Variants in SH3RF3 observed in about 807,000 individuals in gnomAD.
SH3RF3 encodes the protein SH3 domain containing ring finger 3, also known as E3 ubiquitin-protein ligase SH3RF3.
A neutral mutation model predicts 66.3 loss-of-function variants in SH3RF3; 29 were observed. The ratio of observed to expected loss-of-function variants is 0.44; its 90% CI spans 0.33 to 0.60. The LOEUF (loss-of-function observed/expected upper bound fraction) is 0.60. SH3RF3 is among the 20% of genes least tolerant of loss of function. The pLI, the probability that SH3RF3 is intolerant of heterozygous loss-of-function variation, is 0.04. For synonymous variants in SH3RF3, 583 were observed against 532.0 expected (o/e 1.10, Z -1.32); for missense variants, 1,194 against 1,190.9 (o/e 1.00, Z -0.04).
At chr2:109,185,934 G>A (rs1422877537) in intron 1 of SH3RF3, among the ~76,000 whole-genome samples, 1 of 152,230 alleles carries the variant, frequency 6.6e-6, no homozygotes, top group Non-Finnish European at 1.5e-5. Context: ...GGCTGGCCCT[G>A]TGCCCTGTGC....
chr2:109,466,373 C>G (rs1170844270), intron 8 of SH3RF3, among the ~76,000 whole-genome samples: 1 of 152,076 alleles, frequency 6.6e-6, no homozygotes, highest in African/African-American at 2.4e-5. Context: ...GAGTCCTGCG[C>G]CCAGCCTGTA....
chr2:109,163,860 A>G (rs1391215379), intron 1 of SH3RF3, among the ~76,000 whole-genome samples: 2 of 152,150 alleles, frequency 1.3e-5, no homozygotes, highest in African/African-American at 4.8e-5. Context: ...GTCTATTACC[A>G]ACTATTTGTG....
chr2:109,389,055 C>G (rs945763576), intron 3 of SH3RF3, among the ~76,000 whole-genome samples: 50 of 152,198 alleles, frequency 3.3e-4, no homozygotes, highest in Non-Finnish European at 5.3e-4. Context: ...ATCATAGGCC[C>G]AAGGCCACAC....
At chr2:109,483,345 C>T (rs1678883601) in intron 8 of SH3RF3, among the ~76,000 whole-genome samples, 1 of 152,230 alleles carries the variant, frequency 6.6e-6, no homozygotes, top group Non-Finnish European at 1.5e-5. Context: ...AGTGGTGCCT[C>T]TCACATGTCC....
chr2:109,494,358 C>T (rs1044159830), intron 9 of SH3RF3, among the ~76,000 whole-genome samples: 3 of 152,180 alleles, frequency 2.0e-5, no homozygotes, highest in Non-Finnish European at 2.9e-5. Flanking sequence ...AAAAAACAGC[C>T]TGAAACCAAA....
chr2:109,290,232 A>G (rs1681132824), intron 1 of SH3RF3, among the ~76,000 whole-genome samples: 1 of 152,172 alleles, frequency 6.6e-6, no homozygotes, highest in South Asian at 2.1e-4. Flanking sequence ...ACATCACATC[A>G]TTCCTTCTCT....
intron 1 of SH3RF3, among the ~76,000 whole-genome samples, chr2:109,195,192 T>C (rs77027204): frequency 0.01 from 1,224 of 120,614 alleles, 12 homozygotes; most frequent in East Asian, 0.053. Context: ...TCATTGGAGA[T>C]GGGGCTAGGA....
intron 1 of SH3RF3, among the ~76,000 whole-genome samples, chr2:109,170,286 TCTC>T (rs1558938253): frequency 5.6e-4 from 58 of 103,382 alleles, no homozygotes; most frequent in African/African-American, 1.7e-3. Flanking sequence ...TCTCTTCTCT[TCTC>T]TTCTCTTCTC....
chr2:109,437,291 AC>A, intron 7 of SH3RF3, 145 bp downstream of exon 7: 1 of 1,331,972 alleles, frequency 7.5e-7, no homozygotes, highest in Non-Finnish European at 1.0e-6. Context: ...CTTAAGGAAA[AC>A]CGGTTTGGCC....
chr2:109,419,121 G>C (rs1354206960), intron 4 of SH3RF3, among the ~76,000 whole-genome samples: 1 of 152,214 alleles, frequency 6.6e-6, no homozygotes, highest in East Asian at 1.9e-4. Context: ...ATTTTCTTTA[G>C]GGATTAATCT....
In SH3RF3 at chr2:109,398,895, G is replaced by A. The variant is rs770154489; in HGVS notation, c.1251G>A (p.Ala417=). ...TCAGCTCCAGCGATCCCCGAGCCGCGGCCAGGATTGGAGACCTTGCTCATC... is the reference window on the plus strand; with the variant it reads ...TCAGCTCCAGCGATCCCCGAGCCGCAGCCAGGATTGGAGACCTTGCTCATC... ...VLISSSDPRA[A]ARIGDLAHLS... Residue 417 remains alanine, a synonymous_variant, in exon 4 of 10, where the codon GCG becomes GCA. Transcript: ENST00000309415. The A allele has an allele frequency of 2.6e-5, 42 of 1,613,438 alleles. No individual in the cohort carries two copies. The South Asian group carries it at 2.6e-4, about 10-fold the overall frequency.
intron 1 of SH3RF3, among the ~76,000 whole-genome samples, chr2:109,134,419 A>G (rs981081154): frequency 1.3e-5 from 2 of 152,250 alleles, no homozygotes; most frequent in African/African-American, 4.8e-5. Context: ...AGTTACAGCA[A>G]AGTCCTGTTC....
chr2:109,164,767 C>T (rs567796162), intron 1 of SH3RF3, among the ~76,000 whole-genome samples: 33 of 152,310 alleles, frequency 2.2e-4, no homozygotes, highest in African/African-American at 7.2e-4. Context: ...ATTTAATAGT[C>T]AGCCCTGGCA....
At position 109,346,257 on chromosome 2, in the gene SH3RF3, T is replaced by A. The variant is rs1682694263; in HGVS notation, c.574-1417T>A. Among the ~76,000 whole-genome samples the A allele has an allele frequency of 2.0e-5, 3 of 152,224 alleles. No individual in the cohort carries two copies. The South Asian group carries it at 6.2e-4, about 32-fold the overall frequency. ...GTTTAATTGGTTAGTGGTGGCTGTT[T>A]GTCAATTTGCCAGCAGGCTCTCTCT... On this transcript the variant is annotated intron_variant, in intron 1 of 9. Transcript: ENST00000309415.
chr2:109,181,456 G>T (rs188052053), intron 1 of SH3RF3, among the ~76,000 whole-genome samples: 6 of 152,114 alleles, frequency 3.9e-5, no homozygotes, highest in Admixed American at 6.5e-5. Flanking sequence ...GTAAGGGTTT[G>T]TGTGAAGAAA....
intron 7 of SH3RF3, among the ~76,000 whole-genome samples, chr2:109,446,561 T>A (rs1677710673): frequency 6.6e-6 from 1 of 152,070 alleles, no homozygotes; most frequent in African/African-American, 2.4e-5. Context: ...GGTAGGCAGG[T>A]CTCTAGAAGG....
intron 9 of SH3RF3, among the ~76,000 whole-genome samples, chr2:109,492,426 T>G (rs1679153392): frequency 6.6e-6 from 1 of 152,116 alleles, no homozygotes; most frequent in African/African-American, 2.4e-5. Context: ...GGAAGTCGCA[T>G]GTACACCTGC....
intron 9 of SH3RF3, among the ~76,000 whole-genome samples, chr2:109,500,614 G>C (rs749991274): frequency 1.3e-5 from 2 of 152,140 alleles, no homozygotes; most frequent in Non-Finnish European, 2.9e-5. Flanking sequence ...CCAATGCTAA[G>C]GCACTGGGAA....
At chr2:109,420,662 G>A (rs147099958) in intron 5 of SH3RF3, among the ~76,000 whole-genome samples, 1 of 152,092 alleles carries the variant, frequency 6.6e-6, no homozygotes. Flanking sequence ...AGCCAGGATG[G>A]TCTCGATCTC....
Sources: gnomAD v4.1 joint callset for allele counts (sites outside exome capture counted in the v4.1 genomes callset) on GRCh38, gnomAD v4.1.1 for gene constraint, MANE v1.5 for transcripts, NCBI Gene and HGNC (gene_info 2026-07-23, HGNC 2026-07-21) for gene names.